Variants in URI1 observed in about 807,000 individuals in gnomAD.
URI1 encodes URI1 prefoldin like chaperone, also known as unconventional prefoldin RPB5 interactor 1.
URI1 carries 39 observed loss-of-function variants against 60.2 expected under a neutral mutation model. That is an observed-to-expected ratio of 0.65 (90% CI 0.50 to 0.85). The LOEUF (loss-of-function observed/expected upper bound fraction) is 0.85. Among genes scored for constraint, URI1 ranks in the 40% least tolerant of loss-of-function variants. The pLI, the probability that URI1 is intolerant of heterozygous loss-of-function variation, is 0.00. For synonymous variants in URI1, 251 were observed against 236.8 expected (o/e 1.06, Z -0.55); for missense variants, 691 against 665.9 (o/e 1.04, Z -0.42).
At chr19:30,002,217 T>G (rs576514853) in intron 4 of URI1, among the ~76,000 whole-genome samples, 45 of 152,200 alleles carry the variant, frequency 3.0e-4, no homozygotes, top group African/African-American at 1.1e-3. Flanking sequence ...TTTTATTACA[T>G]CTGCATTTCT....
chr19:30,009,483 C>T, intron 8 of URI1, 130 bp downstream of exon 8: 1 of 936,110 alleles, frequency 1.1e-6, no homozygotes, highest in South Asian at 1.8e-5. Context: ...TCATCTTTTG[C>T]CTCTTGTTCT....
At chr19:29,937,362 TG>T (rs1379581979), upstream of URI1, among the ~76,000 whole-genome samples, 3 of 152,236 alleles carry the variant, frequency 2.0e-5, no homozygotes, top group East Asian at 5.8e-4. Flanking sequence ...AAGGCTTCCT[TG>T]GGGATGGCTT....
In URI1 at chr19:30,000,416, T is replaced by C. The variant is rs185298395; in HGVS notation, c.368-4945T>C. On this transcript the variant is annotated intron_variant, in intron 4 of 10. Transcript: ENST00000392271. ...CCCTTTTTTCAGGTTCTATTTAGTT[T>C]GTTGGAATATTGCTTTAAGTAACTT... Among the ~76,000 whole-genome samples, 202 of 152,126 alleles carry C rather than the reference T, an allele frequency of 1.3e-3. 1 individual carries two copies. The highest frequency in any genetic ancestry group is 2.4e-3 in the Admixed American group (37 of 15,256).
intron 4 of URI1, among the ~76,000 whole-genome samples, chr19:29,987,940 G>A (rs1004518921): frequency 1.1e-4 from 16 of 152,276 alleles, no homozygotes; most frequent in African/African-American, 3.8e-4. Flanking sequence ...GGACAAGGCA[G>A]GTGGATCACC....
At chr19:29,987,916 C>T (rs150195993) in intron 4 of URI1, among the ~76,000 whole-genome samples, 2,956 of 152,130 alleles carry the variant, frequency 0.019, 62 homozygotes, top group East Asian at 0.081. Context: ...GCCTGTAATC[C>T]CAGCACTTTG....
chr19:29,931,734 A>T (rs917712120), intron 1 of URI1, among the ~76,000 whole-genome samples: 1 of 152,004 alleles, frequency 6.6e-6, no homozygotes, highest in African/African-American at 2.4e-5. Flanking sequence ...TCCTTGGTTA[A>T]TTTTTTTACT....
chr19:29,955,651 TTTTTC>T (rs2055236313), intron 1 of URI1, among the ~76,000 whole-genome samples: 1 of 106,744 alleles, frequency 9.4e-6, no homozygotes, highest in South Asian at 3.6e-4. Flanking sequence ...AGTTACCATT[TTTTTC>T]TTTTCTTTTT....
chr19:29,956,305 T>A (rs2145272762), intron 1 of URI1: 1 of 650,622 alleles, frequency 1.5e-6, no homozygotes. Context: ...TTTTTTTTTT[T>A]AAGAAGGTCC....
intron 4 of URI1, among the ~76,000 whole-genome samples, 194 bp downstream of exon 4, chr19:29,986,611 T>A (rs2055673971): frequency 6.6e-6 from 1 of 152,144 alleles, no homozygotes; most frequent in Admixed American, 6.5e-5. Context: ...AGCATCCGGG[T>A]TGGAAATGTC....
At position 30,015,150 on chromosome 19, in the gene URI1, A is replaced by C; in HGVS notation, c.*81A>C. 1 of 1,515,910 alleles carries C rather than the reference A, an allele frequency of 6.6e-7. No homozygotes were observed. Among genetic ancestry groups the C allele is most frequent in the Non-Finnish European group, 8.8e-7 (1 of 1,135,470 alleles). 93.9% of individuals were successfully genotyped at this position (1,515,910 alleles called of 1,614,324 possible). A position where few individuals can be genotyped will look rare whatever the true frequency, so the allele number is the denominator to read the frequency against. On this transcript the variant is annotated 3_prime_UTR_variant, in exon 11 of 11. Transcript: ENST00000392271. ...GAGTATCTATAGCAAAATAGGTTAC[A>C]TGTAGTTTGAAATAAGGTATCCTGA...
upstream of URI1, among the ~76,000 whole-genome samples, chr19:29,939,069 C>T (rs2054998746): frequency 6.6e-6 from 1 of 151,560 alleles, no homozygotes; most frequent in Admixed American, 6.6e-5. Context: ...CCTCCACTTC[C>T]AGGGTTCAAG....
intron 1 of URI1, among the ~76,000 whole-genome samples, chr19:29,968,552 T>TAG (rs2055417459): frequency 6.7e-6 from 1 of 148,428 alleles, no homozygotes; most frequent in Non-Finnish European, 1.5e-5. Flanking sequence ...TTGTAGAAAT[T>TAG]TACTAATTTT....
intron 1 of URI1, among the ~76,000 whole-genome samples, chr19:29,932,971 T>A (rs2054935772): frequency 6.6e-6 from 1 of 152,216 alleles, no homozygotes; most frequent in Admixed American, 6.5e-5. Flanking sequence ...TTTATTTTTA[T>A]ATGGTGAATC....
chr19:29,990,628 A>G (rs577865616), intron 4 of URI1, among the ~76,000 whole-genome samples: 19 of 152,326 alleles, frequency 1.2e-4, no homozygotes, highest in African/African-American at 4.3e-4. Flanking sequence ...AAGACCATAT[A>G]TTGTATGATT....
chr19:29,965,173 A>G (rs1183755658), intron 1 of URI1, among the ~76,000 whole-genome samples: 2 of 152,272 alleles, frequency 1.3e-5, no homozygotes, highest in Middle Eastern at 3.4e-3. Context: ...TTAGGACCAG[A>G]ATCTGTAATC....
intron 1 of URI1, among the ~76,000 whole-genome samples, chr19:29,928,040 G>A (rs2054885078): frequency 6.6e-6 from 1 of 152,068 alleles, no homozygotes; most frequent in South Asian, 2.1e-4. Context: ...AGAAGCCCAG[G>A]CTATAAGGCA....
intron 2 of URI1, among the ~76,000 whole-genome samples, chr19:29,978,784 A>G (rs1179621209): frequency 1.3e-5 from 2 of 152,198 alleles, no homozygotes; most frequent in African/African-American, 4.8e-5. Flanking sequence ...ACTCATGATC[A>G]AATTGGTGAG....
rs116988127 is a variant in URI1, at chr19:29,969,384, A to G, written c.118-1809A>G. ...TACCAGTGACTTGTTTCTTAAACAT[A>G]AAAAGCATATGTGCCAAATTTGCAT... On this transcript the variant is annotated intron_variant, in intron 1 of 10. Coordinates refer to ENST00000392271, the MANE Select transcript of URI1 (RefSeq NM_003796.3). 3.5e-4 allele frequency among the ~76,000 whole-genome samples: 53 copies of G among 152,300 alleles called. No homozygotes were observed. In the East Asian group the frequency reaches 8.9e-3, roughly 26 times the overall value.
At chr19:29,956,633 CACCCAA>C in intron 1 of URI1, 2 of 1,511,424 alleles carry the variant, frequency 1.3e-6, no homozygotes, top group Non-Finnish European at 1.8e-6. Flanking sequence ...ATGTATTTTT[CACCCAA>C]GAAATTTCGG....
Sources: allele counts gnomAD v4.1 joint callset (sites outside exome capture counted in the v4.1 genomes callset), GRCh38; gene constraint gnomAD v4.1.1; transcripts MANE v1.5; gene names NCBI Gene and HGNC (gene_info 2026-07-23, HGNC 2026-07-21).